The following NRG2 variants were observed in gnomAD, a reference collection of about 807,000 sequenced individuals.
The protein encoded by NRG2 is neuregulin 2.
Under a neutral mutation model 73.9 loss-of-function variants are expected in NRG2, and 27 were observed. The observed-to-expected ratio is 0.37, with a 90% CI of 0.27 to 0.50. The LOEUF (loss-of-function observed/expected upper bound fraction) is 0.50, where lower values mean the gene tolerates loss of function less well. NRG2 is among the 20% of genes least tolerant of loss of function. The pLI is 0.96. For synonymous variants in NRG2, 532 were observed against 541.0 expected (o/e 0.98, Z 0.23); for missense variants, 1,126 against 1,210.1 (o/e 0.93, Z 1.03).
chr5:139,928,753 C>T (rs879897520), intron 1 of NRG2, among the ~76,000 whole-genome samples: 20 of 152,334 alleles, frequency 1.3e-4, no homozygotes, highest in Non-Finnish European at 1.6e-4. Flanking sequence ...CTCCCTGAGC[C>T]TGCTCCTCTG....
chr5:139,891,350 C>T (rs1246485977), intron 1 of NRG2, among the ~76,000 whole-genome samples: 3 of 152,124 alleles, frequency 2.0e-5, no homozygotes, highest in Admixed American at 1.3e-4. Context: ...AAGTAATCGC[C>T]GGCCACCAAT....
rs1197539440 is a variant in NRG2 at position 139,848,301 on chromosome 5, C to A, written c.2169G>T (p.Pro723=). 2.5e-5 allele frequency: 29 copies of A among 1,161,122 alleles called. 1 individual carries two copies. The East Asian group carries it at 1.0e-3, about 41-fold the overall frequency. 71.9% of individuals were successfully genotyped at this position (1,161,122 alleles called of 1,614,324 possible). The change falls in exon 10 of 10, where the codon CCG becomes CCT. Residue 723 remains proline, a synonymous_variant. Transcript: ENST00000361474. The part of the protein sequence containing the change: ...YETTQECAPP[P]PPRPRARGAS... The stretch of plus-strand genomic sequence containing the variant: ...CACCGCGCGCGCGCGGCCGCGGCGG[C>A]GGCGGGGGCGCGCACTCCTGCGTGG...
chr5:139,901,035 A>G (rs1455507875), intron 1 of NRG2, among the ~76,000 whole-genome samples: 1 of 152,118 alleles, frequency 6.6e-6, no homozygotes, highest in Non-Finnish European at 1.5e-5. Flanking sequence ...GGGGGACTAT[A>G]CCCTCTGTTT....
In NRG2 at chr5:140,015,165, C is replaced by T. The variant is rs929720943; in HGVS notation, c.700+27205G>A. On this transcript the variant is annotated intron_variant, in intron 1 of 9. Transcript: ENST00000361474. ...CCATTACCTCCCTCCATTTTTTTTTCTTATAATATTTATAACTTTCTAAAT... is the reference window on the plus strand; with the variant it reads ...CCATTACCTCCCTCCATTTTTTTTTTTTATAATATTTATAACTTTCTAAAT... Among the ~76,000 whole-genome samples the T allele has an allele frequency of 7.0e-4, 106 of 151,030 alleles. 2 individuals are homozygous for T. The highest frequency in any genetic ancestry group is 2.4e-3 in the African/African-American group (99 of 41,070).
rs980518086 is a variant in NRG2, at chr5:139,851,521, T to C, written c.1772+83A>G. 77 of 1,326,090 alleles carry C rather than the reference T, an allele frequency of 5.8e-5. No individual in the cohort carries two copies. Among genetic ancestry groups the C allele is most frequent in the Non-Finnish European group, 7.9e-5 (74 of 940,428 alleles). The allele number at this position is 1,326,090 out of a possible 1,614,324, so 82.1% of individuals were successfully genotyped here. A position where few individuals can be genotyped will look rare whatever the true frequency, so the allele number is the denominator to read the frequency against. On this transcript the variant is annotated intron_variant, in intron 9 of 9. Coordinates refer to ENST00000361474, the MANE Select transcript of NRG2 (RefSeq NM_004883.3). This position sits in a 1 kb window ranked among gnomAD's most constrained non-coding sequence, Gnocchi z 4.2. ...GAGATGAGGCTCTTTGGAGTGTTTC[T>C]GAGGGGCCCTAAGGGTCAGCCTTGG...
At chr5:140,028,613 C>T (rs928943539) in intron 1 of NRG2, among the ~76,000 whole-genome samples, 2 of 152,154 alleles carry the variant, frequency 1.3e-5, no homozygotes, top group African/African-American at 4.8e-5. Context: ...TAATAGATGA[C>T]ACATTGGCCA....
At chr5:139,970,368 G>T (rs1252143866) in intron 1 of NRG2, among the ~76,000 whole-genome samples, 1 of 152,122 alleles carries the variant, frequency 6.6e-6, no homozygotes, top group Non-Finnish European at 1.5e-5. Flanking sequence ...TTCAAGTCAG[G>T]TTGATAAAAC....
Position 139,880,991 on chromosome 5 carries a change from T to C in NRG2, c.873-17A>G. On this transcript the variant is annotated splice_polypyrimidine_tract_variant and intron_variant, in intron 2 of 9. Coordinates refer to ENST00000361474, the MANE Select transcript of NRG2 (RefSeq NM_004883.3). ...GAGTTCTTTCTGGTTAGGGAGGGGA[T>C]AAAAGGGGGAGAGGCGTGAGCCAGG... is the stretch of plus-strand genomic sequence containing the variant. The C allele has an allele frequency of 1.9e-6, 3 of 1,607,346 alleles. No homozygotes were observed. Among genetic ancestry groups the C allele is most frequent in the Non-Finnish European group, 2.6e-6 (3 of 1,174,134 alleles).
chr5:139,956,039 G>T (rs1211755619), intron 1 of NRG2, among the ~76,000 whole-genome samples: 2 of 152,338 alleles, frequency 1.3e-5, no homozygotes, highest in Admixed American at 1.3e-4. Flanking sequence ...GCTGAGACAG[G>T]CAGAGGAAGG....
chr5:139,946,481 T>A (rs931071163), intron 1 of NRG2, among the ~76,000 whole-genome samples: 3 of 151,986 alleles, frequency 2.0e-5, no homozygotes, highest in Non-Finnish European at 4.4e-5. Flanking sequence ...TCAAAATGGA[T>A]CAAAGACCTA....
In NRG2 at chr5:140,036,912, G is replaced by A. The variant is rs1052025460; in HGVS notation, c.700+5458C>T. ...TGCCAAATGCCACTAAGCAAACAGC[G>A]CTTAGAGGGTTAAGACTTCTGCTGC... On this transcript the variant is annotated intron_variant, in intron 1 of 9. Transcript: ENST00000361474. Among the ~76,000 whole-genome samples the A allele has an allele frequency of 1.1e-4, 17 of 152,280 alleles. No individual in the cohort carries two copies. In the South Asian group the frequency reaches 1.7e-3, roughly 15 times the overall value.
At chr5:139,875,873 C>T (rs774216026) in intron 3 of NRG2, among the ~76,000 whole-genome samples, 8 of 152,130 alleles carry the variant, frequency 5.3e-5, no homozygotes, top group East Asian at 1.9e-4. Flanking sequence ...AATTGGAAGC[C>T]GTATGCATTG....
chr5:139,884,106 GCTCT>G (rs1763718343), intron 2 of NRG2, among the ~76,000 whole-genome samples: 1 of 137,590 alleles, frequency 7.3e-6, no homozygotes, highest in Non-Finnish European at 1.6e-5. Flanking sequence ...TCAGTGTAGA[GCTCT>G]CTGTCAGGTT....
At chr5:139,895,528 C>G (rs1037489575) in intron 1 of NRG2, among the ~76,000 whole-genome samples, 3 of 152,194 alleles carry the variant, frequency 2.0e-5, no homozygotes, top group African/African-American at 7.2e-5. Flanking sequence ...GGATGAGGCA[C>G]AGAGGAAGCA....
intron 3 of NRG2, among the ~76,000 whole-genome samples, chr5:139,872,344 G>A (rs967241374): frequency 8.5e-5 from 13 of 152,154 alleles, no homozygotes; most frequent in Non-Finnish European, 1.3e-4. Flanking sequence ...TTCAGGGGAT[G>A]GCACCTTTAG....
intron 1 of NRG2, among the ~76,000 whole-genome samples, chr5:139,984,864 G>A (rs1477298269): frequency 6.6e-6 from 1 of 152,136 alleles, no homozygotes; most frequent in Non-Finnish European, 1.5e-5. Flanking sequence ...TTGTGATATG[G>A]CCTCCACAGA....
At chr5:139,930,981 G>A (rs1279336830) in intron 1 of NRG2, among the ~76,000 whole-genome samples, 1 of 152,222 alleles carries the variant, frequency 6.6e-6, no homozygotes, top group Non-Finnish European at 1.5e-5. Context: ...AAAAGCCATG[G>A]CCACATGAGC....
chr5:140,012,781 T>C (rs1451314527), intron 1 of NRG2, among the ~76,000 whole-genome samples: 1 of 152,234 alleles, frequency 6.6e-6, no homozygotes, highest in African/African-American at 2.4e-5. Context: ...CTTCTCTTTC[T>C]TTCTTCCATT....
chr5:139,876,380 T>C (rs1384242379), intron 3 of NRG2, among the ~76,000 whole-genome samples: 1 of 152,142 alleles, frequency 6.6e-6, no homozygotes, highest in Non-Finnish European at 1.5e-5. Flanking sequence ...CTTTTTGGGG[T>C]GACAAAAATG....
Sources: allele counts gnomAD v4.1 joint callset (sites outside exome capture counted in the v4.1 genomes callset), GRCh38; gene constraint gnomAD v4.1.1; non-coding constraint Gnocchi (gnomAD v3.1); transcripts MANE v1.5; gene names NCBI Gene and HGNC (gene_info 2026-07-23, HGNC 2026-07-21).